The following MACF1 variants were observed in gnomAD, a reference collection of about 807,000 sequenced individuals.
MACF1 encodes the protein microtubule-actin cross-linking factor 1.
A neutral mutation model predicts 854.8 loss-of-function variants in MACF1; 193 were observed. That is an observed-to-expected ratio of 0.23 (90% CI 0.20 to 0.25). MACF1 has a LOEUF of 0.25. Ranked by LOEUF, MACF1 falls within the 10% of genes least tolerant of loss-of-function variation. MACF1 has a pLI of 1.00. For missense variants in MACF1, 7,722 were observed against 8,929.1 expected (o/e 0.86, Z 5.45); for synonymous variants, 3,185 against 3,226.7 (o/e 0.99, Z 0.44).
At position 39,460,276 on chromosome 1, in the gene MACF1, C is replaced by T. The variant is rs1424127351; in HGVS notation, c.21361-356C>T. Reference sequence around the variant, plus strand: ...CAACATAATCGAGGAGTGCTAAGGACCTCCCTTCTGGGTTAGAATCCATTT... The same window carrying T: ...CAACATAATCGAGGAGTGCTAAGGATCTCCCTTCTGGGTTAGAATCCATTT... On this transcript the variant is annotated intron_variant, in intron 91 of 100. Transcript: ENST00000564288. This position sits in a 1 kb window ranked among gnomAD's most constrained non-coding sequence, Gnocchi z 4.1. 6.6e-6 allele frequency among the ~76,000 whole-genome samples: 1 copy of T among 152,164 alleles called. No individual in the cohort carries two copies. The highest frequency in any genetic ancestry group is 2.4e-5 in the African/African-American group (1 of 41,422).
Position 39,356,831 on chromosome 1 carries a change from A to G in MACF1, c.11425-544A>G, listed in dbSNP as rs1647624414. Among the ~76,000 whole-genome samples, 3 of 152,370 alleles carry G rather than the reference A, an allele frequency of 2.0e-5. No homozygotes were observed. In the South Asian group the frequency reaches 6.2e-4, roughly 32 times the overall value. ...AACTGCATGACCTTAGTCAAGATAT[A>G]TAACGTCTTTTTGGTATTCACTTAC... is the stretch of plus-strand genomic sequence containing the variant. On this transcript the variant is annotated intron_variant, in intron 44 of 100. Transcript: ENST00000564288.
At chr1:39,304,561 C>A in intron 23 of MACF1, 3 of 936,700 alleles carry the variant, frequency 3.2e-6, no homozygotes, top group East Asian at 2.7e-5. Context: ...ATTTTCTTTT[C>A]TTTCTTTTTT....
chr1:39,477,999 ATTT>A (rs36028217), intron 97 of MACF1, among the ~76,000 whole-genome samples: 2 of 101,846 alleles, frequency 2.0e-5, no homozygotes, highest in Admixed American at 1.1e-4. Flanking sequence ...TCAGAAGTGA[ATTT>A]TTTTTTTTTT....
intron 1 of MACF1, among the ~76,000 whole-genome samples, chr1:39,214,768 A>G (rs1644556224): frequency 6.6e-6 from 1 of 152,268 alleles, no homozygotes; most frequent in African/African-American, 2.4e-5. Flanking sequence ...CGGTGAGTGT[A>G]TGAGCTTGCT....
At chr1:39,385,180 G>T (rs528190927) in intron 56 of MACF1, among the ~76,000 whole-genome samples, 28 of 152,102 alleles carry the variant, frequency 1.8e-4, no homozygotes, top group Admixed American at 3.3e-4. Flanking sequence ...CAATTCTCGT[G>T]CCTCAGCCTC....
At chr1:39,112,287 T>C (rs1266584575) in intron 2 of MACF1, among the ~76,000 whole-genome samples, 1 of 152,018 alleles carries the variant, frequency 6.6e-6, no homozygotes, top group African/African-American at 2.4e-5. Flanking sequence ...GGTTTCACCA[T>C]ATTGGCCAGG....
intron 58 of MACF1, among the ~76,000 whole-genome samples, chr1:39,405,819 C>A (rs1366929242): frequency 2.0e-5 from 3 of 151,850 alleles, no homozygotes; most frequent in African/African-American, 7.3e-5. Flanking sequence ...TGAAGAGGGT[C>A]TCTGGAGCTC....
chr1:39,349,755 C>T, intron 42 of MACF1, 128 bp downstream of exon 42: 1 of 970,516 alleles, frequency 1.0e-6, no homozygotes, highest in Non-Finnish European at 1.5e-6. Flanking sequence ...ACCTCAGCCT[C>T]CCCAGGAGCT....
intron 6 of MACF1, among the ~76,000 whole-genome samples, chr1:39,277,011 G>A (rs763568847): frequency 2.6e-5 from 4 of 152,016 alleles, no homozygotes; most frequent in Non-Finnish European, 4.4e-5. Flanking sequence ...TATTGTTCCT[G>A]GGAATATAAT....
At chr1:39,100,530 G>T (rs1452073732) in intron 2 of MACF1, among the ~76,000 whole-genome samples, 2 of 152,148 alleles carry the variant, frequency 1.3e-5, no homozygotes, top group African/African-American at 4.8e-5. Context: ...AGTATTTTAG[G>T]ATCATCTGGT....
chr1:39,274,616 C>A lies in MACF1; in HGVS notation c.529-7592C>A, dbSNP rs946561071. ...GAGCATTTGTGGATTTCAGTATCTG[C>A]GGATTTTGGTATCTGAGGGAGGTCC... is the stretch of plus-strand genomic sequence containing the variant. On this transcript the variant is annotated intron_variant, in intron 6 of 100. Coordinates refer to ENST00000564288, the MANE Select transcript of MACF1 (RefSeq NM_001394062.1). 5.3e-5 allele frequency among the ~76,000 whole-genome samples: 8 copies of A among 152,264 alleles called. 1 individual carries two copies. Among genetic ancestry groups the A allele is most frequent in the Middle Eastern group, 3.4e-3 (1 of 294 alleles).
chr1:39,096,164 A>G (rs1362216077), intron 2 of MACF1, among the ~76,000 whole-genome samples: 1 of 145,714 alleles, frequency 6.9e-6, no homozygotes, highest in Non-Finnish European at 1.5e-5. Context: ...AGCCTGGGTG[A>G]CACAGTGAGA....
At chr1:39,211,131 T>G (rs957860096) in intron 1 of MACF1, among the ~76,000 whole-genome samples, 1 of 151,882 alleles carries the variant, frequency 6.6e-6, no homozygotes, top group Non-Finnish European at 1.5e-5. Context: ...CACACCCAGT[T>G]TAATTTTTGT....
At chr1:39,299,745 T>C (rs1224466228) in intron 21 of MACF1, among the ~76,000 whole-genome samples, 1 of 152,188 alleles carries the variant, frequency 6.6e-6, no homozygotes, top group African/African-American at 2.4e-5. Context: ...GATATAATTA[T>C]TTTTAAAAAT....
intron 2 of MACF1, among the ~76,000 whole-genome samples, chr1:39,172,745 G>C (rs976129158): frequency 2.6e-5 from 4 of 152,160 alleles, no homozygotes; most frequent in Non-Finnish European, 5.9e-5. Flanking sequence ...CCTGGGCAAG[G>C]CAGCAAGGAG....
chr1:39,224,233 G>A (rs1467671118), intron 1 of MACF1, among the ~76,000 whole-genome samples: 1 of 151,846 alleles, frequency 6.6e-6, no homozygotes, highest in Non-Finnish European at 1.5e-5. Context: ...AATTTTAGGT[G>A]GTTCCTGAAC....
chr1:39,358,917 T>C, intron 46 of MACF1, 44 bp downstream of exon 46: 1 of 1,558,914 alleles, frequency 6.4e-7, no homozygotes, highest in South Asian at 1.2e-5. Context: ...AGACCTTGTA[T>C]TCCATGGCGT....
chr1:39,232,320 TG>T (rs1413049408), intron 2 of MACF1, among the ~76,000 whole-genome samples: 1 of 152,100 alleles, frequency 6.6e-6, no homozygotes, highest in Non-Finnish European at 1.5e-5. Flanking sequence ...ATCCCTTAAT[TG>T]CCCTATCCAG....
At chr1:39,231,813 A>T (rs1272669358) in intron 2 of MACF1, among the ~76,000 whole-genome samples, 1 of 151,928 alleles carries the variant, frequency 6.6e-6, no homozygotes, top group Non-Finnish European at 1.5e-5. Context: ...CCAAAGTGTT[A>T]GGATTACAGG....
Sources: gnomAD v4.1 joint callset for allele counts (sites outside exome capture counted in the v4.1 genomes callset) on GRCh38, gnomAD v4.1.1 for gene constraint, Gnocchi (gnomAD v3.1) non-coding constraint, MANE v1.5 for transcripts, NCBI Gene and HGNC (gene_info 2026-07-23, HGNC 2026-07-21) for gene names.